ABCC6: variants seen among roughly 807,000 people sequenced by gnomAD.
ABCC6 encodes ATP-binding cassette sub-family C member 6.
In ABCC6, 126 loss-of-function variants were observed where a neutral mutation model predicts 169.5. The observed-to-expected ratio is 0.74, with a 90% CI of 0.64 to 0.86. The LOEUF (loss-of-function observed/expected upper bound fraction) is 0.86. Ranked by LOEUF, ABCC6 falls within the 40% of genes least tolerant of loss-of-function variation. ABCC6 has a pLI of 0.00. For missense variants in ABCC6, 1,733 were observed against 1,927.2 expected, an observed-to-expected ratio of 0.90 and a Z score of 1.89; for synonymous variants, 752 against 814.7, an observed-to-expected ratio of 0.92 and a Z score of 1.31.
At position 16,157,732 on chromosome 16, in the gene ABCC6, C is replaced by A. The variant is rs1381519935; in HGVS notation, c.3813G>T (p.Gly1271=). 6.2e-7 allele frequency: 1 copy of A among 1,614,016 alleles called. No individual in the cohort carries two copies. The highest frequency in any genetic ancestry group is 8.5e-7 in the Non-Finnish European group (1 of 1,179,968). The part of the protein sequence containing the change: ...QGGQIEFRDF[G]LRYRPELPLA... ...GCGGGAGCTCAGGTCGGTATCTTAG[C>A]CCAAAGTCCCGGAACTCGATCTGCC... The change falls in exon 27 of 31, where the codon GGG becomes GGT. Residue 1271 remains glycine, a synonymous_variant. Coordinates refer to ENST00000205557, the MANE Select transcript of ABCC6 (RefSeq NM_001171.6).
chr16:16,157,402 G>A (rs58260876), intron 27 of ABCC6, among the ~76,000 whole-genome samples: 8,059 of 152,190 alleles, frequency 0.053, 304 homozygotes, highest in South Asian at 0.13. Flanking sequence ...CACATATTAG[G>A]TGCTGGGTTA....
At chr16:16,202,230 G>A (rs759160676) in intron 8 of ABCC6, 52 bp from the exon 9 acceptor site, 31 of 1,563,348 alleles carry the variant, frequency 2.0e-5, no homozygotes, top group Admixed American at 1.2e-4. Flanking sequence ...GGTGCCTAAG[G>A]GTGTTGCCTT....
At chr16:16,162,676 G>C (rs1448920392) in intron 24 of ABCC6, among the ~76,000 whole-genome samples, 1 of 152,194 alleles carries the variant, frequency 6.6e-6, no homozygotes, top group East Asian at 1.9e-4. Flanking sequence ...CTTAAAGCTT[G>C]TGTTCTTGTT....
intron 20 of ABCC6, 90 bp downstream of exon 20, chr16:16,175,821 C>T (rs1162424028): frequency 5.5e-6 from 8 of 1,446,898 alleles, no homozygotes; most frequent in Non-Finnish European, 7.7e-6. Flanking sequence ...GTTTTGGTTG[C>T]CCGCCTAACT....
chr16:16,210,148 T>C (rs1421087773), intron 6 of ABCC6, among the ~76,000 whole-genome samples: 1 of 151,958 alleles, frequency 6.6e-6, no homozygotes, highest in African/African-American at 2.4e-5. Flanking sequence ...ATTCTTTTTA[T>C]TTTTTTGAGA....
intron 22 of ABCC6, 129 bp downstream of exon 22, chr16:16,169,517 T>G: frequency 9.2e-7 from 1 of 1,088,398 alleles, no homozygotes; most frequent in South Asian, 1.3e-5. Context: ...GATCTTTGCC[T>G]GGACCCCAGA....
intron 22 of ABCC6, among the ~76,000 whole-genome samples, 168 bp downstream of exon 22, chr16:16,169,478 G>C (rs553331233): frequency 7.9e-5 from 12 of 152,224 alleles, no homozygotes; most frequent in Admixed American, 2.6e-4. Context: ...TGTCCTTCCC[G>C]TTCCCTCCAG....
chr16:16,177,231 T>G (rs1230152641), intron 19 of ABCC6, among the ~76,000 whole-genome samples: 1 of 151,506 alleles, frequency 6.6e-6, no homozygotes, highest in Admixed American at 6.6e-5. Context: ...AAATAGTGTA[T>G]TTTTTACAGA....
intron 7 of ABCC6, among the ~76,000 whole-genome samples, chr16:16,208,170 C>T (rs1443609991): frequency 2.6e-5 from 4 of 152,052 alleles, no homozygotes; most frequent in East Asian, 1.9e-4. Flanking sequence ...GCCATTTCCC[C>T]ATTTGTAGGA....
chr16:16,194,524 T>C (rs760099041), intron 10 of ABCC6, among the ~76,000 whole-genome samples: 1 of 152,142 alleles, frequency 6.6e-6, no homozygotes, highest in Non-Finnish European at 1.5e-5. Flanking sequence ...ATCTGGAAAA[T>C]GTGGAAGTGG....
chr16:16,172,232 G>A (rs367931881), intron 21 of ABCC6, among the ~76,000 whole-genome samples: 22 of 24,192 alleles, frequency 9.1e-4, no homozygotes, highest in East Asian at 1.3e-3. Context: ...TGGATAAATG[G>A]GTGGGTGGGA....
At chr16:16,210,214 G>A (rs529609129) in intron 6 of ABCC6, among the ~76,000 whole-genome samples, 66 of 151,580 alleles carry the variant, frequency 4.4e-4, no homozygotes, top group Admixed American at 2.2e-3. Context: ...TCGGCTCACC[G>A]CAACCTCCAC....
Position 16,203,633 on chromosome 16 carries a change from T to G in ABCC6, c.795-20A>C, listed in dbSNP as rs760691317. ...TTGTGCCTGAGGGGAAGGGAGAGAT[T>G]AGCTCTGGGTCCCATTTTATACTCT... On this transcript the variant is annotated intron_variant, in intron 7 of 30. Coordinates refer to ENST00000205557, the MANE Select transcript of ABCC6 (RefSeq NM_001171.6). 4 of 1,612,680 alleles carry G rather than the reference T, an allele frequency of 2.5e-6. No homozygotes were observed. The highest frequency in any genetic ancestry group is 3.4e-6 in the Non-Finnish European group (4 of 1,178,844).
chr16:16,210,504 C>T (rs370418997), intron 6 of ABCC6, among the ~76,000 whole-genome samples: 2 of 152,206 alleles, frequency 1.3e-5, no homozygotes, highest in Admixed American at 6.5e-5. Flanking sequence ...AAATTATTAA[C>T]GTGGCTTGAT....
intron 29 of ABCC6, among the ~76,000 whole-genome samples, chr16:16,153,449 A>T (rs1232600286): frequency 6.6e-6 from 1 of 152,128 alleles, no homozygotes; most frequent in East Asian, 1.9e-4. Flanking sequence ...AAAAGGACAG[A>T]TCCTATGATT....
At chr16:16,177,727 G>A in intron 18 of ABCC6, 101 bp from the exon 19 acceptor site, 1 of 1,444,874 alleles carries the variant, frequency 6.9e-7, no homozygotes, top group Non-Finnish European at 9.6e-7. Flanking sequence ...TGGATCACTT[G>A]AGGCCAGAAG....
At chr16:16,168,049 G>A (rs1567481996) in intron 22 of ABCC6, among the ~76,000 whole-genome samples, 1 of 152,224 alleles carries the variant, frequency 6.6e-6, no homozygotes, top group African/African-American at 2.4e-5. Flanking sequence ...AGGTGTACAG[G>A]TTCTTAGGAC....
In ABCC6 at chr16:16,169,881, CAG is replaced by C. The variant is rs1304068374; in HGVS notation, c.2788-30_2788-29del. On this transcript the variant is annotated intron_variant, in intron 21 of 30. Coordinates refer to ENST00000205557, the MANE Select transcript of ABCC6 (RefSeq NM_001171.6). ...GTAGCACACATGAGGGAGAGGGAGG[CAG>C]AGAGAGCCCCCAGTGGGAGGGGTGG... is the stretch of plus-strand genomic sequence containing the variant. 2.6e-6 allele frequency: 4 copies of C among 1,548,230 alleles called. No individual in the cohort carries two copies. The Admixed American group carries it at 5.9e-5, about 23-fold the overall frequency.
At chr16:16,202,839 C>T (rs1202698951) in intron 8 of ABCC6, among the ~76,000 whole-genome samples, 1 of 152,194 alleles carries the variant, frequency 6.6e-6, no homozygotes, top group Non-Finnish European at 1.5e-5. Flanking sequence ...TCTGGGCTGG[C>T]TACAAAACCG....
Sources: allele counts gnomAD v4.1 joint callset (sites outside exome capture counted in the v4.1 genomes callset), GRCh38; gene constraint gnomAD v4.1.1; transcripts MANE v1.5; gene names NCBI Gene and HGNC (gene_info 2026-07-23, HGNC 2026-07-21).